ROBO2: variants seen among roughly 807,000 people sequenced by gnomAD.
The protein encoded by ROBO2 is roundabout homolog 2.
ROBO2 carries 53 observed loss-of-function variants against 160.8 expected under a neutral mutation model. The observed-to-expected ratio is 0.33, with a 90% confidence interval of 0.26 to 0.41. The LOEUF (loss-of-function observed/expected upper bound fraction) is 0.41, where lower values mean the gene tolerates loss of function less well. Among genes scored for constraint, ROBO2 ranks in the 10% least tolerant of loss-of-function variants. The probability of loss-of-function intolerance (pLI) is 1.00; values close to 1 mark genes in which losing one functional copy is unlikely to be tolerated. For synonymous variants in ROBO2, 664 were observed against 611.7 expected, an observed-to-expected ratio of 1.09 and a Z score of -1.26; for missense variants, 1,577 against 1,722.4, an observed-to-expected ratio of 0.92 and a Z score of 1.49.
intron 2 of ROBO2, among the ~76,000 whole-genome samples, chr3:77,295,246 A>G (rs1361170089): frequency 6.7e-6 from 1 of 149,556 alleles, no homozygotes; most frequent in Non-Finnish European, 1.5e-5. Context: ...AAAGACATAA[A>G]GTAAAATTGA....
chr3:77,248,288 C>A (rs1038140510), intron 2 of ROBO2, among the ~76,000 whole-genome samples: 1 of 152,310 alleles, frequency 6.6e-6, no homozygotes. Context: ...CATGCAACCT[C>A]ATTCCTTCTG....
chr3:76,945,144 T>TTTTAACAG (rs1340097954), intron 2 of ROBO2, among the ~76,000 whole-genome samples: 4 of 152,068 alleles, frequency 2.6e-5, no homozygotes, highest in African/African-American at 4.8e-5. Context: ...CGCCTCCGCC[T>TTTTAACAG]CCCAATGTGC....
intron 2 of ROBO2, among the ~76,000 whole-genome samples, chr3:77,111,995 T>G (rs1371587620): frequency 2.0e-5 from 3 of 151,784 alleles, no homozygotes; most frequent in Non-Finnish European, 4.4e-5. Flanking sequence ...GCGGGTCGCT[T>G]GAGCCCAGGC....
At chr3:76,000,126 C>T (rs1282273400) in intron 2 of ROBO2, among the ~76,000 whole-genome samples, 3 of 152,032 alleles carry the variant, frequency 2.0e-5, no homozygotes, top group Non-Finnish European at 4.4e-5. Flanking sequence ...ATGAAAGGCA[C>T]GTTTTGGGGC....
chr3:77,138,057 C>T (rs142385196), intron 2 of ROBO2, among the ~76,000 whole-genome samples: 3 of 152,256 alleles, frequency 2.0e-5, no homozygotes, highest in Middle Eastern at 3.4e-3. Context: ...AGGAACCTTC[C>T]TTCTTATTAT....
At chr3:77,282,580 G>C (rs187997519) in intron 2 of ROBO2, among the ~76,000 whole-genome samples, 7 of 152,082 alleles carry the variant, frequency 4.6e-5, no homozygotes, top group Admixed American at 2.0e-4. Context: ...AAGTTGAAGA[G>C]AAATAAATAT....
At position 77,550,819 on chromosome 3, in the gene ROBO2, A is replaced by G. The variant is rs2092892174; in HGVS notation, c.1061A>G (p.Asn354Ser). The stretch of plus-strand genomic sequence containing the variant: ...ATGAGATTGTGCTTGCTTCCACAGA[A>G]CCTACTTTTCCCAAACCAACCCCAG... Residue 354 changes from asparagine (N) to serine (S), a missense_variant and splice_region_variant, in exon 8 of 26, where the codon AAC (asparagine) becomes AGC (serine). Coordinates refer to ENST00000461745, the Ensembl canonical transcript of ROBO2. The G allele has an allele frequency of 1.9e-6, 3 of 1,612,788 alleles. No individual in the cohort carries two copies. The Middle Eastern group carries it at 5.0e-4, about 267-fold the overall frequency.
At chr3:76,454,998 A>G (rs1290283359) in intron 2 of ROBO2, among the ~76,000 whole-genome samples, 1 of 152,146 alleles carries the variant, frequency 6.6e-6, no homozygotes, top group Admixed American at 6.5e-5. Flanking sequence ...GATTGGTATA[A>G]AAAGGAAAAA....
intron 2 of ROBO2, among the ~76,000 whole-genome samples, chr3:76,217,853 C>T (rs1253902183): frequency 1.3e-5 from 2 of 151,992 alleles, no homozygotes; most frequent in Non-Finnish European, 2.9e-5. Flanking sequence ...GACAGAGACA[C>T]AACAAAAAAA....
At chr3:76,748,407 A>T (rs564502482) in intron 2 of ROBO2, among the ~76,000 whole-genome samples, 38 of 151,884 alleles carry the variant, frequency 2.5e-4, no homozygotes, top group African/African-American at 8.9e-4. Context: ...AAAAAATATG[A>T]ATTGATTTGC....
chr3:76,088,621 G>C (rs2069109195), intron 2 of ROBO2, among the ~76,000 whole-genome samples: 1 of 151,922 alleles, frequency 6.6e-6, no homozygotes, highest in South Asian at 2.1e-4. Context: ...AATTACCCAT[G>C]GGTCAAAGAA....
intron 2 of ROBO2, among the ~76,000 whole-genome samples, chr3:76,626,507 G>A (rs966747831): frequency 3.3e-5 from 5 of 152,024 alleles, no homozygotes; most frequent in Non-Finnish European, 5.9e-5. Flanking sequence ...GAGAGATAAA[G>A]AAGTATTTTG....
chr3:76,395,857 G>C (rs2108690281), intron 2 of ROBO2, among the ~76,000 whole-genome samples: 1 of 152,162 alleles, frequency 6.6e-6, no homozygotes, highest in South Asian at 2.1e-4. Context: ...AAGAGTCCAG[G>C]ACCAGATGGA....
intron 2 of ROBO2, among the ~76,000 whole-genome samples, chr3:76,869,319 T>G (rs979353406): frequency 1.3e-5 from 2 of 151,804 alleles, no homozygotes; most frequent in Admixed American, 6.6e-5. Flanking sequence ...GTTGAATATT[T>G]TATGTGCCTA....
chr3:76,991,960 A>G (rs966614889), intron 2 of ROBO2, among the ~76,000 whole-genome samples: 3 of 152,274 alleles, frequency 2.0e-5, no homozygotes, highest in South Asian at 4.1e-4. Context: ...GGGACACTGT[A>G]GAAATGTAAA....
intron 2 of ROBO2, among the ~76,000 whole-genome samples, chr3:77,144,404 C>G (rs2076960697): frequency 1.3e-5 from 2 of 152,264 alleles, no homozygotes; most frequent in African/African-American, 2.4e-5. Flanking sequence ...CATCTCGACT[C>G]TCTAACAATT....
intron 2 of ROBO2, among the ~76,000 whole-genome samples, chr3:77,338,786 G>C (rs898315671): frequency 1.3e-5 from 2 of 152,122 alleles, no homozygotes; most frequent in Non-Finnish European, 2.9e-5. Context: ...TACTAGCAAA[G>C]CAATGCCATT....
intron 2 of ROBO2, among the ~76,000 whole-genome samples, chr3:77,153,843 C>T (rs531280280): frequency 2.0e-5 from 3 of 152,040 alleles, no homozygotes; most frequent in Non-Finnish European, 2.9e-5. Context: ...ATTTTATAAT[C>T]GGGTTATAGC....
chr3:77,292,921 C>T (rs1481877872), intron 2 of ROBO2, among the ~76,000 whole-genome samples: 1 of 147,088 alleles, frequency 6.8e-6, no homozygotes, highest in Non-Finnish European at 1.5e-5. Flanking sequence ...TCACCAAAGA[C>T]ATAAAGTAAA....
Sources: allele counts gnomAD v4.1 joint callset (sites outside exome capture counted in the v4.1 genomes callset), GRCh38; gene constraint gnomAD v4.1.1; transcripts MANE v1.5; gene names NCBI Gene and HGNC (gene_info 2026-07-23, HGNC 2026-07-21).